The following NREP variants were observed in gnomAD, a reference collection of about 807,000 sequenced individuals.
NREP encodes the protein neuronal regeneration related protein, also known as neuronal regeneration-related protein.
A neutral mutation model predicts 8.6 loss-of-function variants in NREP; 5 were observed. That is an observed-to-expected ratio of 0.58 (90% CI 0.30 to 1.22). NREP has a LOEUF of 1.22. NREP is among the 50% of genes most tolerant of loss of function. The probability of loss-of-function intolerance (pLI) is 0.07; values close to 1 mark genes in which losing one functional copy is unlikely to be tolerated. For missense variants in NREP, 86 were observed against 82.5 expected, an observed-to-expected ratio of 1.04 and a Z score of -0.17; for synonymous variants, 27 against 28.0, an observed-to-expected ratio of 0.96 and a Z score of 0.11.
At chr5:111,756,538 AATGTTATT>A (rs1338015221) in intron 1 of NREP, among the ~76,000 whole-genome samples, 2 of 152,164 alleles carry the variant, frequency 1.3e-5, no homozygotes, top group Admixed American at 1.3e-4. Context: ...GTTTTCCTAT[AATGTTATT>A]ATAGATACAC....
intron 2 of NREP, among the ~76,000 whole-genome samples, chr5:111,765,348 T>C (rs1751056076): frequency 1.3e-5 from 2 of 152,192 alleles, no homozygotes; most frequent in African/African-American, 4.8e-5. Flanking sequence ...TAATAAGCCA[T>C]AGACCAGTAC....
chr5:111,940,567 T>C (rs1386703707), intron 2 of NREP, among the ~76,000 whole-genome samples: 1 of 152,072 alleles, frequency 6.6e-6, no homozygotes, highest in East Asian at 1.9e-4. Flanking sequence ...CATGCCTTTC[T>C]CTACCACACA....
At chr5:111,871,169 G>A (rs539963260) in intron 2 of NREP, among the ~76,000 whole-genome samples, 3 of 151,842 alleles carry the variant, frequency 2.0e-5, no homozygotes, top group East Asian at 1.9e-4. Flanking sequence ...ATCATAGAGT[G>A]TACATACACA....
chr5:111,968,630 G>C (rs1193462372), intron 2 of NREP, among the ~76,000 whole-genome samples: 1 of 152,160 alleles, frequency 6.6e-6, no homozygotes, highest in Non-Finnish European at 1.5e-5. Context: ...ATTTCAGTTA[G>C]GAAAATGTCC....
chr5:111,909,021 T>C (rs754802823), intron 2 of NREP, among the ~76,000 whole-genome samples: 3 of 152,228 alleles, frequency 2.0e-5, no homozygotes, highest in East Asian at 1.9e-4. Flanking sequence ...CACTTGCAGG[T>C]CTTCTTTTGA....
At chr5:111,804,345 T>A (rs569802680) in intron 2 of NREP, among the ~76,000 whole-genome samples, 2 of 152,268 alleles carry the variant, frequency 1.3e-5, no homozygotes, top group African/African-American at 4.8e-5. Context: ...ATGCCACAGT[T>A]CAGATCCTAC....
chr5:111,885,485 C>G (rs1370049750), intron 2 of NREP, among the ~76,000 whole-genome samples: 1 of 152,098 alleles, frequency 6.6e-6, no homozygotes, highest in African/African-American at 2.4e-5. Flanking sequence ...CTTTAAAGTT[C>G]ATATGGAACC....
chr5:111,788,435 C>G (rs576556156), intron 2 of NREP, among the ~76,000 whole-genome samples: 1 of 152,254 alleles, frequency 6.6e-6, no homozygotes, highest in South Asian at 2.1e-4. Flanking sequence ...AGCTGTGTCT[C>G]TGCTGACACT....
intron 2 of NREP, among the ~76,000 whole-genome samples, chr5:111,854,029 T>C (rs1753368150): frequency 6.6e-6 from 1 of 152,114 alleles, no homozygotes; most frequent in Non-Finnish European, 1.5e-5. Flanking sequence ...ACAGACTGTG[T>C]TTATATCTCA....
chr5:111,917,116 G>T (rs1010587472), intron 2 of NREP, among the ~76,000 whole-genome samples: 1 of 152,016 alleles, frequency 6.6e-6, no homozygotes, highest in South Asian at 2.1e-4. Context: ...TGGGCTTCCC[G>T]CATGCATGGT....
intron 3 of NREP, chr5:111,733,947 G>A (rs1424128140): frequency 6.6e-6 from 1 of 152,078 alleles, no homozygotes; most frequent in African/African-American, 2.4e-5. Context: ...TTCCAGAAGG[G>A]AACTTCTGGA....
intron 2 of NREP, among the ~76,000 whole-genome samples, chr5:111,826,586 G>A (rs770100128): frequency 1.1e-4 from 16 of 152,202 alleles, no homozygotes; most frequent in East Asian, 5.8e-4. Context: ...CTTTAACACC[G>A]CAGGGGTCCG....
chr5:111,964,873 A>AAAAG (rs1756594606), intron 2 of NREP, among the ~76,000 whole-genome samples: 2 of 104,012 alleles, frequency 1.9e-5, no homozygotes, highest in African/African-American at 1.0e-4. Flanking sequence ...AAAAAAAAAA[A>AAAAG]AAAAAAAAAA....
At chr5:111,758,166 C>T, upstream of NREP, 1 of 985,568 alleles carries the variant, frequency 1.0e-6, no homozygotes, top group African/African-American at 1.7e-5. Context: ...CGGGGAAGCC[C>T]GGGGCGGGGA....
intron 2 of NREP, among the ~76,000 whole-genome samples, chr5:111,750,703 G>A (rs1265527273): frequency 6.6e-6 from 1 of 152,198 alleles, no homozygotes; most frequent in African/African-American, 2.4e-5. Flanking sequence ...AGCTTCTACT[G>A]AACTAAGTGA....
intron 2 of NREP, among the ~76,000 whole-genome samples, chr5:111,799,164 A>C (rs1253554727): frequency 6.6e-6 from 1 of 152,120 alleles, no homozygotes; most frequent in Non-Finnish European, 1.5e-5. Flanking sequence ...TGTTTTCATG[A>C]CCATGGCCTT....
intron 2 of NREP, among the ~76,000 whole-genome samples, chr5:111,847,881 A>T (rs1753220365): frequency 6.6e-6 from 1 of 152,212 alleles, no homozygotes. Context: ...TCTGAAGGGA[A>T]ATGGTACATG....
At chr5:111,826,055 G>A (rs149494246) in intron 2 of NREP, among the ~76,000 whole-genome samples, 1 of 151,746 alleles carries the variant, frequency 6.6e-6, no homozygotes, top group African/African-American at 2.4e-5. Flanking sequence ...CCGTGTTCAA[G>A]CGATTCTCCT....
intron 2 of NREP, among the ~76,000 whole-genome samples, chr5:111,768,387 CA>C (rs1415086309): frequency 4.6e-5 from 7 of 152,066 alleles, no homozygotes; most frequent in South Asian, 4.1e-4. Context: ...TATTTAGATT[CA>C]GGGGGTACAT....
Sources: gnomAD v4.1 joint callset for allele counts (sites outside exome capture counted in the v4.1 genomes callset) on GRCh38, gnomAD v4.1.1 for gene constraint, MANE v1.5 for transcripts, NCBI Gene and HGNC (gene_info 2026-07-23, HGNC 2026-07-21) for gene names.